SAMMSON: variants seen among roughly 807,000 people sequenced by gnomAD.
The protein encoded by SAMMSON is survival associated mitochondrial melanoma specific oncogenic non-coding RNA.
intron 4 of SAMMSON, among the ~76,000 whole-genome samples, chr3:70,093,014 C>A (rs974953644): frequency 1.1e-4 from 17 of 150,116 alleles, no homozygotes; most frequent in Non-Finnish European, 2.1e-4. Flanking sequence ...ACAGTGAGAA[C>A]CATGGGATGA....
chr3:70,105,188 G>A (rs2067362820), intron 4 of SAMMSON, among the ~76,000 whole-genome samples: 1 of 152,014 alleles, frequency 6.6e-6, no homozygotes, highest in South Asian at 2.1e-4. Flanking sequence ...TCTTTCCATT[G>A]ACTAATTCAC....
At chr3:70,108,351 T>TACAAATAAGGTCAGCCGTCAGCAA (rs1368917881) in intron 4 of SAMMSON, among the ~76,000 whole-genome samples, 1 of 149,958 alleles carries the variant, frequency 6.7e-6, no homozygotes, top group African/African-American at 2.4e-5. Context: ...ATATAAGTGC[T>TACAAATAAGGTCAGCCGTCAGCAA]ACAAATAAGG....
chr3:70,112,951 G>C (rs943120186), intron 4 of SAMMSON, among the ~76,000 whole-genome samples: 4 of 152,094 alleles, frequency 2.6e-5, no homozygotes, highest in African/African-American at 7.2e-5. Flanking sequence ...TTGGAGTATT[G>C]AGTGCTTTCT....
chr3:70,182,491 C>T (rs1701061289), intron 4 of SAMMSON, among the ~76,000 whole-genome samples: 1 of 152,096 alleles, frequency 6.6e-6, no homozygotes, highest in Non-Finnish European at 1.5e-5. Context: ...GAGAGCTTGC[C>T]TTTGACGTTG....
chr3:70,000,071 T>C (rs778762272), intron 1 of SAMMSON, among the ~76,000 whole-genome samples: 16 of 152,182 alleles, frequency 1.1e-4, no homozygotes, highest in Admixed American at 2.0e-4. Flanking sequence ...AAGCCCTCTG[T>C]CCTTGCGATA....
At position 70,031,006 on chromosome 3, in the gene SAMMSON, A is replaced by G. The variant is rs185208458; in HGVS notation, n.417+17334A>G. On this transcript the variant is annotated intron_variant and non_coding_transcript_variant, in intron 3 of 9. Coordinates refer to ENST00000642114, the Ensembl canonical transcript of SAMMSON. ...GTTCAGCAATTTCTCCAAATTGAAC[A>G]TAGATTTACTATGTGGTCCAGCAAT... Among the ~76,000 whole-genome samples the G allele has an allele frequency of 4.6e-5, 7 of 152,336 alleles. No individual in the cohort carries two copies. In the East Asian group the frequency reaches 1.4e-3, roughly 29 times the overall value.
At chr3:70,300,002 T>C (rs1252140696) in intron 7 of SAMMSON, among the ~76,000 whole-genome samples, 1 of 152,268 alleles carries the variant, frequency 6.6e-6, no homozygotes, top group Non-Finnish European at 1.5e-5. Flanking sequence ...CTCCATACCT[T>C]GGGCCATCAT....
At chr3:70,050,778 C>T (rs917590521) in intron 3 of SAMMSON, among the ~76,000 whole-genome samples, 1 of 151,958 alleles carries the variant, frequency 6.6e-6, no homozygotes, top group African/African-American at 2.4e-5. Context: ...GAGGCATAGA[C>T]TAATCCATGT....
intron 4 of SAMMSON, among the ~76,000 whole-genome samples, chr3:70,247,039 G>A (rs1199881575): frequency 6.6e-6 from 1 of 151,846 alleles, no homozygotes; most frequent in African/African-American, 2.4e-5. Context: ...CTACCACGAA[G>A]GATAGTTATT....
At chr3:70,121,409 T>C (rs1289085489) in intron 4 of SAMMSON, among the ~76,000 whole-genome samples, 1 of 152,114 alleles carries the variant, frequency 6.6e-6, no homozygotes, top group Non-Finnish European at 1.5e-5. Flanking sequence ...TCTCCATCAG[T>C]TGAAATGGGC....
intron 7 of SAMMSON, among the ~76,000 whole-genome samples, chr3:70,333,627 T>C (rs976359026): frequency 1.4e-4 from 22 of 152,196 alleles, no homozygotes; most frequent in Non-Finnish European, 2.9e-4. Context: ...CACTTTTACA[T>C]AGAGCCCAGC....
intron 4 of SAMMSON, among the ~76,000 whole-genome samples, chr3:70,098,659 G>A (rs562352619): frequency 4.6e-5 from 7 of 152,100 alleles, no homozygotes; most frequent in East Asian, 3.9e-4. Flanking sequence ...GAGCCACCAC[G>A]CCCGGCCTCT....
intron 4 of SAMMSON, among the ~76,000 whole-genome samples, chr3:70,227,270 C>T (rs1177334350): frequency 6.6e-6 from 1 of 152,190 alleles, no homozygotes; most frequent in Non-Finnish European, 1.5e-5. Flanking sequence ...AATCTCTAAA[C>T]CTATTATAGT....
At chr3:70,213,334 C>T (rs1701368978) in intron 4 of SAMMSON, among the ~76,000 whole-genome samples, 1 of 151,960 alleles carries the variant, frequency 6.6e-6, no homozygotes, top group Non-Finnish European at 1.5e-5. Context: ...GCAGTAAACT[C>T]CAGAAGAGTA....
chr3:70,231,516 C>A (rs1701559959), intron 4 of SAMMSON, among the ~76,000 whole-genome samples: 1 of 152,180 alleles, frequency 6.6e-6, no homozygotes, highest in Admixed American at 6.5e-5. Flanking sequence ...AACAAAAGAG[C>A]CAAATTCCAA....
chr3:70,361,806 T>G (rs973032923), intron 9 of SAMMSON, among the ~76,000 whole-genome samples: 1 of 152,148 alleles, frequency 6.6e-6, no homozygotes, highest in African/African-American at 2.4e-5. Flanking sequence ...GGCAACATCA[T>G]TCTTTTAACA....
At position 70,301,341 on chromosome 3, in the gene SAMMSON, C is replaced by T. The variant is rs184129778; in HGVS notation, n.739+10098C>T. On this transcript the variant is annotated intron_variant and non_coding_transcript_variant, in intron 7 of 9. Coordinates refer to ENST00000642114, the Ensembl canonical transcript of SAMMSON. Reference sequence around the variant, plus strand: ...GGTTTCGTGTATGAGAGATTTCATACTGCAAAATTCCACCCACATTGTTTT... The same window carrying T: ...GGTTTCGTGTATGAGAGATTTCATATTGCAAAATTCCACCCACATTGTTTT... Among the ~76,000 whole-genome samples, 5 of 152,162 alleles carry T rather than the reference C, an allele frequency of 3.3e-5. No individual in the cohort carries two copies. The East Asian group carries it at 9.6e-4, about 29-fold the overall frequency.
intron 4 of SAMMSON, among the ~76,000 whole-genome samples, chr3:70,122,576 G>A (rs2067439561): frequency 6.6e-6 from 1 of 152,130 alleles, no homozygotes; most frequent in African/African-American, 2.4e-5. Context: ...ATAACATTAT[G>A]AACGTTTAAA....
At chr3:70,408,222 C>T (rs1701191540) in intron 2 of SAMMSON, among the ~76,000 whole-genome samples, 1 of 152,228 alleles carries the variant, frequency 6.6e-6, no homozygotes, top group South Asian at 2.1e-4. Context: ...CCATGAAGAC[C>T]TCTAACATGC....
Sources: allele counts gnomAD v4.1 joint callset (sites outside exome capture counted in the v4.1 genomes callset), GRCh38; gene constraint gnomAD v4.1.1; transcripts MANE v1.5; gene names NCBI Gene and HGNC (gene_info 2026-07-23, HGNC 2026-07-21).